AGBL4: variants seen among roughly 807,000 people sequenced by gnomAD.
AGBL4 encodes AGBL carboxypeptidase 4, also known as cytosolic carboxypeptidase 6.
Under a neutral mutation model 66.4 loss-of-function variants are expected in AGBL4, and 58 were observed. The observed-to-expected ratio is 0.87, with a 90% confidence interval of 0.71 to 1.09. The LOEUF (loss-of-function observed/expected upper bound fraction) is 1.09, where lower values mean the gene tolerates loss of function less well. Ranked by LOEUF, AGBL4 falls within the 50% of genes least tolerant of loss-of-function variation. The probability of loss-of-function intolerance (pLI) is 0.00; values close to 1 mark genes in which losing one functional copy is unlikely to be tolerated. For synonymous variants in AGBL4, 234 were observed against 222.9 expected (o/e 1.05, Z -0.44); for missense variants, 579 against 631.0 (o/e 0.92, Z 0.88).
At chr1:48,722,325 G>A (rs1405138972) in intron 6 of AGBL4, among the ~76,000 whole-genome samples, 2 of 152,128 alleles carry the variant, frequency 1.3e-5, no homozygotes, top group Admixed American at 1.3e-4. Flanking sequence ...ATTAAAGGAT[G>A]GGGAGGACTA....
At position 49,411,857 on chromosome 1, in the gene AGBL4, G is replaced by T. The variant is rs369222756; in HGVS notation, c.283-165993C>A. On this transcript the variant is annotated intron_variant, in intron 3 of 13. Coordinates refer to ENST00000371839, the MANE Select transcript of AGBL4 (RefSeq NM_032785.4). ...AGGGGAACACATTGGAAATAGAGAT[G>T]ATGGAAGTCTGAATGAGGGCAGTGG... Among the ~76,000 whole-genome samples the T allele has an allele frequency of 7.0e-4, 107 of 152,272 alleles. 1 individual carries two copies. The South Asian group carries it at 0.021, about 30-fold the overall frequency.
chr1:48,638,960 C>G (rs1049247233), intron 8 of AGBL4, among the ~76,000 whole-genome samples: 6 of 152,152 alleles, frequency 3.9e-5, no homozygotes, highest in Non-Finnish European at 7.3e-5. Flanking sequence ...GGCTACATAA[C>G]AAGTACTCTA....
intron 6 of AGBL4, among the ~76,000 whole-genome samples, chr1:48,711,838 T>G (rs971656822): frequency 9.2e-5 from 14 of 152,070 alleles, no homozygotes; most frequent in Non-Finnish European, 2.1e-4. Flanking sequence ...CTAACAATCT[T>G]CTTGCTTCCA....
intron 3 of AGBL4, among the ~76,000 whole-genome samples, chr1:49,444,603 C>T (rs1367186793): frequency 1.3e-5 from 2 of 151,644 alleles, no homozygotes; most frequent in East Asian, 3.9e-4. Context: ...CTCCTGCTTG[C>T]TTTTGGTTTC....
intron 3 of AGBL4, among the ~76,000 whole-genome samples, chr1:49,487,164 A>G (rs1483182250): frequency 1.3e-5 from 2 of 152,006 alleles, no homozygotes; most frequent in African/African-American, 4.8e-5. Flanking sequence ...TCATTATGCT[A>G]TTGAGTTTTA....
chr1:49,878,616 C>A (rs1359069827), intron 1 of AGBL4, among the ~76,000 whole-genome samples: 1 of 152,126 alleles, frequency 6.6e-6, no homozygotes, highest in South Asian at 2.1e-4. Flanking sequence ...TGGTGTGCTG[C>A]TGAAAAAAAT....
chr1:49,134,485 C>T (rs1023057670), intron 4 of AGBL4, among the ~76,000 whole-genome samples: 2 of 116,212 alleles, frequency 1.7e-5, no homozygotes, highest in South Asian at 3.4e-4. Flanking sequence ...GCCCCCCCCC[C>T]CCCACCCCAG....
rs549619887 is a variant in AGBL4 at position 48,757,814 on chromosome 1, G to A, written c.635-94573C>T. 6.5e-4 allele frequency among the ~76,000 whole-genome samples: 99 copies of A among 152,184 alleles called. No homozygotes were observed. In the Middle Eastern group the frequency reaches 0.01, roughly 16 times the overall value. ...AAATTGTATTTTATTTAAACTTTGG[G>A]GATATTTCTAGACTAGATTACCACC... is the stretch of plus-strand genomic sequence containing the variant. On this transcript the variant is annotated intron_variant, in intron 6 of 13. Coordinates refer to ENST00000371839, the MANE Select transcript of AGBL4 (RefSeq NM_032785.4).
chr1:48,791,169 G>C (rs1020367688), intron 6 of AGBL4, among the ~76,000 whole-genome samples: 1 of 152,144 alleles, frequency 6.6e-6, no homozygotes, highest in African/African-American at 2.4e-5. Flanking sequence ...GGGCCTTATC[G>C]CTGTCCTCCA....
chr1:48,855,794 A>C (rs1433970445), intron 6 of AGBL4, among the ~76,000 whole-genome samples: 1 of 152,194 alleles, frequency 6.6e-6, no homozygotes, highest in Non-Finnish European at 1.5e-5. Context: ...ATTGGAACAT[A>C]CTAGAGACTT....
chr1:49,712,312 A>G (rs1307359922), intron 2 of AGBL4, among the ~76,000 whole-genome samples: 3 of 151,862 alleles, frequency 2.0e-5, no homozygotes, highest in African/African-American at 4.8e-5. Flanking sequence ...CTATCAACAG[A>G]CACCTTGGTT....
In AGBL4 at chr1:48,977,062, A is replaced by G. The variant is rs369250296; in HGVS notation, c.594+68522T>C. ...GTCCCTAGTGTGCCTGGCACATAGT[A>G]GATGCTCAATAAACATTTTTGAATG... On this transcript the variant is annotated intron_variant, in intron 5 of 13. Transcript: ENST00000371839. Among the ~76,000 whole-genome samples the G allele has an allele frequency of 2.6e-5, 4 of 152,056 alleles. No individual in the cohort carries two copies. The East Asian group carries it at 5.8e-4, about 22-fold the overall frequency.
At chr1:49,095,693 A>T (rs1187417012) in intron 4 of AGBL4, among the ~76,000 whole-genome samples, 5 of 151,924 alleles carry the variant, frequency 3.3e-5, no homozygotes, top group Non-Finnish European at 7.4e-5. Context: ...TCAATTCAAG[A>T]TGGATTAAAG....
intron 3 of AGBL4, among the ~76,000 whole-genome samples, chr1:49,661,819 T>C (rs1646274849): frequency 1.3e-5 from 2 of 152,158 alleles, no homozygotes; most frequent in South Asian, 4.2e-4. Flanking sequence ...AACCCAGCCA[T>C]CCTAATTATA....
chr1:49,921,646 A>G (rs1652263870), intron 1 of AGBL4, among the ~76,000 whole-genome samples: 1 of 152,190 alleles, frequency 6.6e-6, no homozygotes. Context: ...AAGGCCAGAG[A>G]GCCCCCAGAA....
intron 3 of AGBL4, among the ~76,000 whole-genome samples, chr1:49,383,455 A>G (rs2148578993): frequency 6.6e-6 from 1 of 152,304 alleles, no homozygotes; most frequent in East Asian, 1.9e-4. Context: ...AGACATTTAG[A>G]AAAATGGGAC....
intron 6 of AGBL4, among the ~76,000 whole-genome samples, chr1:48,823,594 A>G (rs1172922827): frequency 6.6e-6 from 1 of 152,132 alleles, no homozygotes. Context: ...TGCTTAGGAA[A>G]AGCTTCCTGC....
At chr1:48,948,484 G>A (rs1033643165) in intron 5 of AGBL4, among the ~76,000 whole-genome samples, 1 of 152,168 alleles carries the variant, frequency 6.6e-6, no homozygotes, top group Non-Finnish European at 1.5e-5. Context: ...AAACCCCAGT[G>A]TTTTGGCTGT....
chr1:49,511,681 C>T (rs1056092400), intron 3 of AGBL4, among the ~76,000 whole-genome samples: 4 of 151,428 alleles, frequency 2.6e-5, no homozygotes, highest in African/African-American at 9.7e-5. Flanking sequence ...TATAATCTGC[C>T]TTCTTCTTGG....
Sources: allele counts gnomAD v4.1 joint callset (sites outside exome capture counted in the v4.1 genomes callset), GRCh38; gene constraint gnomAD v4.1.1; transcripts MANE v1.5; gene names NCBI Gene and HGNC (gene_info 2026-07-23, HGNC 2026-07-21).